The following ZFR variants were observed in gnomAD, a reference collection of about 807,000 sequenced individuals.
ZFR encodes zinc finger RNA-binding protein.
In ZFR, 19 loss-of-function variants were observed where a neutral mutation model predicts 130.7. The observed-to-expected ratio is 0.15, with a 90% CI of 0.10 to 0.21. The LOEUF (loss-of-function observed/expected upper bound fraction) is 0.21, where lower values mean the gene tolerates loss of function less well. Ranked by LOEUF, ZFR falls within the 10% of genes least tolerant of loss-of-function variation. The pLI, the probability that ZFR is intolerant of heterozygous loss-of-function variation, is 1.00. For missense variants in ZFR, 872 were observed against 1,321.5 expected, an observed-to-expected ratio of 0.66 and a Z score of 5.27; for synonymous variants, 466 against 456.9, an observed-to-expected ratio of 1.02 and a Z score of -0.25.
In ZFR at chr5:32,403,133, T is replaced by C; in HGVS notation, c.1489A>G (p.Thr497Ala). The C allele has an allele frequency of 2.5e-6, 4 of 1,614,072 alleles. No homozygotes were observed. Among genetic ancestry groups the C allele is most frequent in the Non-Finnish European group, 3.4e-6 (4 of 1,179,980 alleles). The change falls in exon 8 of 20, where the codon ACA becomes GCA. Residue 497 changes from threonine (T) to alanine (A), a missense_variant. Physicochemically the swap from Thr to Ala is moderately conservative, Grantham distance 58 (BLOSUM62 0). This residue lies in a region of ZFR where 143 missense variants were observed against 137.9 expected (regional missense o/e 1.04). Transcript: ENST00000265069. The part of the protein sequence containing the change: ...AVPTNMAAKK[T>A]STPKINFVGG... ...ACAAAATTTATTTTGGGGGTAGATGTTTTCTTGGCAGCCATATTTGTAGGC... is the reference window on the plus strand; with the variant it reads ...ACAAAATTTATTTTGGGGGTAGATGCTTTCTTGGCAGCCATATTTGTAGGC...
chr5:32,441,696 T>A (rs887281084), intron 2 of ZFR, among the ~76,000 whole-genome samples: 1 of 152,252 alleles, frequency 6.6e-6, no homozygotes, highest in Non-Finnish European at 1.5e-5. Context: ...CCACACTTTT[T>A]GCATGTGCTT....
intron 17 of ZFR, among the ~76,000 whole-genome samples, chr5:32,370,701 A>G (rs1343212294): frequency 6.6e-6 from 1 of 152,208 alleles, no homozygotes; most frequent in African/African-American, 2.4e-5. Flanking sequence ...AAAAAATTAC[A>G]TGCCTTTTAT....
intron 11 of ZFR, 74 bp downstream of exon 11, chr5:32,395,085 C>T (rs1275640323): frequency 2.0e-6 from 3 of 1,468,096 alleles, no homozygotes; most frequent in Non-Finnish European, 2.7e-6. Flanking sequence ...GAATGGGAGT[C>T]ACATGCTCAG....
chr5:32,368,478 T>C (rs1476357073), intron 17 of ZFR, among the ~76,000 whole-genome samples: 1 of 152,172 alleles, frequency 6.6e-6, no homozygotes, highest in African/African-American at 2.4e-5. Context: ...TCAGGTAATC[T>C]GCCCATCTCA....
intron 11 of ZFR, among the ~76,000 whole-genome samples, chr5:32,392,477 CG>C (rs1753204217): frequency 6.6e-6 from 1 of 152,082 alleles, no homozygotes; most frequent in African/African-American, 2.4e-5. Context: ...ATAATAACAA[CG>C]TAAGAAACGT....
chr5:32,379,574 A>C, intron 16 of ZFR: 1 of 252,348 alleles, frequency 4.0e-6, no homozygotes, highest in South Asian at 4.6e-5. Flanking sequence ...AAGGTTAAGG[A>C]AATCTGTTTG....
At chr5:32,444,529 C>T in intron 1 of ZFR, 93 bp downstream of exon 1, 1 of 1,384,772 alleles carries the variant, frequency 7.2e-7, no homozygotes, top group Non-Finnish European at 9.4e-7. Flanking sequence ...CCGCCGCCTC[C>T]TCCCCGGAGC....
At chr5:32,378,009 T>C (rs1392740168) in intron 17 of ZFR, among the ~76,000 whole-genome samples, 1 of 152,196 alleles carries the variant, frequency 6.6e-6, no homozygotes, top group African/African-American at 2.4e-5. Flanking sequence ...ATTTTGCCTA[T>C]CATATTGTTA....
chr5:32,444,469 T>C, intron 1 of ZFR, 141 bp from the exon 2 acceptor site: 4 of 1,266,282 alleles, frequency 3.2e-6, no homozygotes, highest in Non-Finnish European at 4.2e-6. Context: ...CCGCGCCGCC[T>C]CCCCCTCCCG....
chr5:32,363,913 AC>A, intron 19 of ZFR, 34 bp downstream of exon 19: 1 of 1,561,344 alleles, frequency 6.4e-7, no homozygotes, highest in Non-Finnish European at 8.8e-7. Flanking sequence ...TAATGGAGTA[AC>A]CCAATAGGGC....
At chr5:32,404,148 T>G in intron 6 of ZFR, 51 bp from the exon 7 acceptor site, 1 of 1,467,806 alleles carries the variant, frequency 6.8e-7, no homozygotes, top group Non-Finnish European at 9.2e-7. Flanking sequence ...TCTTTACACA[T>G]TAAGATTATT....
At chr5:32,387,052 T>C (rs773955887) in intron 14 of ZFR, among the ~76,000 whole-genome samples, 30 of 152,110 alleles carry the variant, frequency 2.0e-4, no homozygotes, top group Non-Finnish European at 4.1e-4. Context: ...CGAGAAGTAT[T>C]TCCTACCATT....
At chr5:32,370,110 T>G (rs866081448) in intron 17 of ZFR, among the ~76,000 whole-genome samples, 2,284 of 150,210 alleles carry the variant, frequency 0.015, 10 homozygotes, top group Non-Finnish European at 0.024. Context: ...TTTTTTTTTT[T>G]TGAGATAGGG....
rs765906625 is a variant in ZFR at position 32,406,849 on chromosome 5, C to T, written c.957G>A (p.Leu319=). The change falls in exon 6 of 20, where the codon CTG becomes CTA. Residue 319 remains leucine, a synonymous_variant. Coordinates refer to ENST00000265069, the MANE Select transcript of ZFR (RefSeq NM_016107.5). ...TKKAPFQNKQ[L]KPKQPPKPPQ... is the part of the protein sequence containing the mutation. ...GTGGTTTGGGAGGCTGTTTTGGTTT[C>T]AGTTGTTTATTTTGGAATGGTGCTT... is the stretch of plus-strand genomic sequence containing the variant. The T allele has an allele frequency of 1.8e-5, 29 of 1,613,888 alleles. No homozygotes were observed. The highest frequency in any genetic ancestry group is 2.5e-5 in the Non-Finnish European group (29 of 1,179,980).
chr5:32,404,241 G>A (rs1753530736), intron 6 of ZFR, 144 bp from the exon 7 acceptor site: 2 of 616,668 alleles, frequency 3.2e-6, no homozygotes, highest in East Asian at 2.8e-5. Context: ...TGTGGCATTC[G>A]TTACATATGT....
chr5:32,411,593 G>T (rs923790824), intron 5 of ZFR, among the ~76,000 whole-genome samples: 1 of 150,410 alleles, frequency 6.6e-6, no homozygotes, highest in East Asian at 2.0e-4. Flanking sequence ...GGAGGCTGAG[G>T]TACAAGAATC....
intron 15 of ZFR, among the ~76,000 whole-genome samples, chr5:32,384,104 TTTAA>T (rs1212940194): frequency 1.8e-4 from 27 of 152,214 alleles, no homozygotes; most frequent in Non-Finnish European, 2.8e-4. Context: ...ACTGTATAAA[TTTAA>T]TTAAGTCTAA....
chr5:32,415,054 G>A lies in ZFR; in HGVS notation c.699C>T (p.Thr233=), dbSNP rs1437781131. ...TTFSIYPVSS[T]VQPVAAAATV... Reference sequence around the variant, plus strand: ...TAGCCGCAGCTGCTACTGGCTGTACGGTGGAGGATACAGGATAGATGGAGA... The same window carrying A: ...TAGCCGCAGCTGCTACTGGCTGTACAGTGGAGGATACAGGATAGATGGAGA... Residue 233 remains threonine, a synonymous_variant, in exon 5 of 20, where the codon ACC becomes ACT. Coordinates refer to ENST00000265069, the MANE Select transcript of ZFR (RefSeq NM_016107.5). 7 of 1,614,090 alleles carry A rather than the reference G, an allele frequency of 4.3e-6. No homozygotes were observed. The highest frequency in any genetic ancestry group is 2.2e-5 in the East Asian group (1 of 44,888).
chr5:32,440,628 C>T (rs888318886), intron 2 of ZFR, among the ~76,000 whole-genome samples: 9 of 147,450 alleles, frequency 6.1e-5, no homozygotes, highest in African/African-American at 2.3e-4. Flanking sequence ...GCCTGGGTGA[C>T]AGAAGGAGAC....
Sources: gnomAD v4.1 joint callset for allele counts (sites outside exome capture counted in the v4.1 genomes callset) on GRCh38, gnomAD v4.1.1 for gene constraint, gnomAD v4.1.1 regional missense constraint, MANE v1.5 for transcripts, NCBI Gene and HGNC (gene_info 2026-07-23, HGNC 2026-07-21) for gene names.